Variants in ODAD2 observed in about 807,000 individuals in gnomAD.
The protein encoded by ODAD2 is outer dynein arm-docking complex subunit 2.
In ODAD2, 89 loss-of-function variants were observed where a neutral mutation model predicts 106.8. That is an observed-to-expected ratio of 0.83 (90% CI 0.70 to 0.99). The LOEUF (loss-of-function observed/expected upper bound fraction) is 0.99, where lower values mean the gene tolerates loss of function less well. ODAD2 is among the 50% of genes least tolerant of loss of function. The pLI is 0.00. For missense variants in ODAD2, 1,168 were observed against 1,238.5 expected (o/e 0.94, Z 0.85); for synonymous variants, 404 against 436.2 (o/e 0.93, Z 0.92).
intron 19 of ODAD2, among the ~76,000 whole-genome samples, chr10:27,849,322 T>C (rs1839060343): frequency 6.6e-6 from 1 of 151,168 alleles, no homozygotes; most frequent in Non-Finnish European, 1.5e-5. Flanking sequence ...AAAGACTGCA[T>C]GTTCTCACTC....
At chr10:27,916,733 G>A (rs903636512) in intron 16 of ODAD2, among the ~76,000 whole-genome samples, 2 of 151,984 alleles carry the variant, frequency 1.3e-5, no homozygotes, top group Non-Finnish European at 2.9e-5. Context: ...TAAGAAATCA[G>A]TATATAACAA....
At chr10:27,995,804 T>C (rs1850527332) in intron 1 of ODAD2, 1 of 152,260 alleles carries the variant, frequency 6.6e-6, no homozygotes, top group Non-Finnish European at 1.5e-5. Context: ...GACACATTGA[T>C]CCTATTACCA....
chr10:27,924,614 GAAAAAAAAAAAAA>G (rs60226782), intron 16 of ODAD2, among the ~76,000 whole-genome samples: 4 of 12,640 alleles, frequency 3.2e-4, no homozygotes, highest in South Asian at 2.2e-3. Context: ...TGATTAGGAG[GAAAAAAAAAAAAA>G]AAAAAAAAAA....
At chr10:27,942,129 A>G (rs1345253419) in intron 12 of ODAD2, among the ~76,000 whole-genome samples, 1 of 152,200 alleles carries the variant, frequency 6.6e-6, no homozygotes, top group African/African-American at 2.4e-5. Flanking sequence ...GTGCTCAGAA[A>G]GCCCGTAGCA....
intron 19 of ODAD2, among the ~76,000 whole-genome samples, chr10:27,821,769 T>G (rs1475888027): frequency 6.6e-6 from 1 of 151,986 alleles, no homozygotes; most frequent in Non-Finnish European, 1.5e-5. Flanking sequence ...TTGGTATCTA[T>G]TTTTTTATCT....
Position 27,995,115 on chromosome 10 carries a change from G to C in ODAD2, c.28C>G (p.Gln10Glu). 2 of 1,614,090 alleles carry C rather than the reference G, an allele frequency of 1.2e-6. No homozygotes were observed. The highest frequency in any genetic ancestry group is 1.7e-6 in the Non-Finnish European group (2 of 1,180,010). ...GTTCCATGTCCGGCAGCAGTCCACT[G>C]CGTCAATTTCCTCAGAGCCACACCC... MGVALRKLT[Q>E]WTAAGHGTGI... Residue 10 changes from glutamine (Q) to glutamate (E), a missense_variant, in exon 2 of 20, where the codon CAG becomes GAG. Gln to Glu is a conservative substitution (Grantham distance 29, BLOSUM62 2). Coordinates refer to ENST00000305242, the MANE Select transcript of ODAD2 (RefSeq NM_018076.5).
At chr10:27,851,931 G>A (rs1175718296) in intron 19 of ODAD2, among the ~76,000 whole-genome samples, 1 of 152,012 alleles carries the variant, frequency 6.6e-6, no homozygotes, top group Non-Finnish European at 1.5e-5. Flanking sequence ...AACAGCCAAC[G>A]CAAAAAGATA....
intron 8 of ODAD2, among the ~76,000 whole-genome samples, chr10:27,970,109 T>A (rs1212129937): frequency 3.4e-5 from 4 of 115,956 alleles, no homozygotes; most frequent in African/African-American, 1.8e-4. Context: ...AAAAAATAAA[T>A]AAATAAATAA....
chr10:27,935,656 G>A (rs1288213378), intron 15 of ODAD2, among the ~76,000 whole-genome samples: 1 of 150,600 alleles, frequency 6.6e-6, no homozygotes, highest in Non-Finnish European at 1.5e-5. Context: ...TACCTATTTG[G>A]GTTTAATAGG....
chr10:27,980,245 C>A (rs1320151800), intron 7 of ODAD2, among the ~76,000 whole-genome samples: 1 of 152,052 alleles, frequency 6.6e-6, no homozygotes. Context: ...CTAAATTTTT[C>A]ATGACCTTGG....
intron 16 of ODAD2, among the ~76,000 whole-genome samples, chr10:27,913,781 A>C (rs569834549): frequency 6.6e-6 from 1 of 152,308 alleles, no homozygotes; most frequent in South Asian, 2.1e-4. Context: ...AACCACAAGA[A>C]GATACTATCT....
At chr10:27,868,169 G>C (rs1258880968) in intron 17 of ODAD2, among the ~76,000 whole-genome samples, 1 of 152,156 alleles carries the variant, frequency 6.6e-6, no homozygotes, top group Non-Finnish European at 1.5e-5. Context: ...TCATTAAAAA[G>C]TCAAGAAACA....
chr10:27,812,537 G>A lies in ODAD2; in HGVS notation c.3110C>T (p.Ala1037Val), dbSNP rs1835819684. The change falls in exon 20 of 20, where the codon GCT (alanine) becomes GTT (valine). Residue 1037 changes from alanine to valine, a missense_variant. This residue lies in a region of ODAD2 where 701 missense variants were observed against 712.3 expected (regional missense o/e 0.98). Coordinates refer to ENST00000305242, the MANE Select transcript of ODAD2 (RefSeq NM_018076.5). ...TCAAGTGTATCTTGCCTTCTCTGTA[G>A]CAAGAGCCAGCCTGCGGATATTGGA... ...CISNIRRLAL[A>V]TEKARYT The A allele has an allele frequency of 3.1e-6, 5 of 1,612,818 alleles. No homozygotes were observed. Among genetic ancestry groups the A allele is most frequent in the East Asian group, 2.2e-5 (1 of 44,858 alleles).
chr10:27,983,878 T>G lies in ODAD2; in HGVS notation c.784A>C (p.Ile262Leu). ...AATACTCCTCCTGCACTGCAAGTAA[T>G]GCACAGAGTCTCACCATCGTGAGGT... Reference protein sequence around the residue: ...VKPHDGETLCITCSAGGVFLN... With the variant: ...VKPHDGETLCLTCSAGGVFLN... The change falls in exon 6 of 20, where the codon ATT (isoleucine) becomes CTT (leucine). Residue 262 changes from isoleucine (I) to leucine (L), a missense_variant. Transcript: ENST00000305242. The G allele has an allele frequency of 6.2e-7, 1 of 1,613,148 alleles. No individual in the cohort carries two copies. Among genetic ancestry groups the G allele is most frequent in the African/African-American group, 1.3e-5 (1 of 74,956 alleles).
At chr10:27,817,252 C>T (rs1233513308) in intron 19 of ODAD2, among the ~76,000 whole-genome samples, 2 of 152,226 alleles carry the variant, frequency 1.3e-5, no homozygotes, top group Non-Finnish European at 2.9e-5. Context: ...AATCCCTTTC[C>T]TAGCTCACAA....
chr10:27,956,583 A>C (rs1847752211), intron 10 of ODAD2, among the ~76,000 whole-genome samples: 1 of 152,212 alleles, frequency 6.6e-6, no homozygotes, highest in Non-Finnish European at 1.5e-5. Flanking sequence ...CAAGGGAAAG[A>C]AAGCATAATT....
chr10:27,871,939 C>A (rs1222334852), intron 17 of ODAD2, among the ~76,000 whole-genome samples: 3 of 152,078 alleles, frequency 2.0e-5, no homozygotes, highest in Admixed American at 1.3e-4. Flanking sequence ...CTATAAATTA[C>A]CTTGGGCAGT....
intron 19 of ODAD2, among the ~76,000 whole-genome samples, chr10:27,852,731 C>T (rs185671137): frequency 3.8e-4 from 57 of 151,892 alleles, no homozygotes; most frequent in Admixed American, 9.8e-4. Context: ...GAGGCGGAGG[C>T]GGGTGGATCA....
chr10:27,858,394 A>C (rs1277245321), intron 19 of ODAD2, among the ~76,000 whole-genome samples: 2 of 152,188 alleles, frequency 1.3e-5, no homozygotes, highest in African/African-American at 4.8e-5. Context: ...GTTATTGCAG[A>C]GTAATTTACA....
Sources: gnomAD v4.1 joint callset for allele counts (sites outside exome capture counted in the v4.1 genomes callset) on GRCh38, gnomAD v4.1.1 for gene constraint, gnomAD v4.1.1 regional missense constraint, MANE v1.5 for transcripts, NCBI Gene and HGNC (gene_info 2026-07-23, HGNC 2026-07-21) for gene names.